The following CCDC192 variants were observed in gnomAD, a reference collection of about 807,000 sequenced individuals.
CCDC192 encodes the protein coiled-coil domain containing 192.
upstream of CCDC192, among the ~76,000 whole-genome samples, chr5:127,703,068 ATT>A (rs1455933131): frequency 1.3e-5 from 2 of 152,162 alleles, no homozygotes; most frequent in Admixed American, 6.5e-5. Context: ...AAACCAATGC[ATT>A]TCTGGGTGTG....
At chr5:127,726,028 T>C (rs1211294069) in intron 2 of CCDC192, among the ~76,000 whole-genome samples, 1 of 152,020 alleles carries the variant, frequency 6.6e-6, no homozygotes, top group East Asian at 1.9e-4. Flanking sequence ...AAGAAAAAAA[T>C]AATTCCTAGT....
chr5:127,796,251 A>G (rs757084599), intron 3 of CCDC192, among the ~76,000 whole-genome samples: 1 of 152,234 alleles, frequency 6.6e-6, no homozygotes, highest in Non-Finnish European at 1.5e-5. Context: ...TTTAAGGACA[A>G]TTAAGTTTTC....
At position 127,884,322 on chromosome 5, in the gene CCDC192, G is replaced by A. The variant is rs552626092; in HGVS notation, c.535+8661G>A. ...TGTGCCACTGAACTCCAGCCTGGGC[G>A]ACAGAGCAAGACTCCGTCTCAAAAA... On this transcript the variant is annotated intron_variant, in intron 6 of 6. Transcript: ENST00000514853. Among the ~76,000 whole-genome samples, 458 of 85,598 alleles carry A rather than the reference G, an allele frequency of 5.4e-3. 5 individuals are homozygous for A. Among genetic ancestry groups the A allele is most frequent in the African/African-American group, 0.017 (436 of 25,004 alleles). The allele number at this position is 85,598 out of a possible 152,430, so 56.2% of individuals were successfully genotyped here.
intron 3 of CCDC192, among the ~76,000 whole-genome samples, chr5:127,758,437 G>T (rs1754734165): frequency 6.6e-6 from 1 of 152,162 alleles, no homozygotes; most frequent in Admixed American, 6.5e-5. Flanking sequence ...CAAAATAAAA[G>T]AAATAATGGG....
chr5:127,717,890 A>G (rs1751712895), intron 2 of CCDC192, among the ~76,000 whole-genome samples: 1 of 138,248 alleles, frequency 7.2e-6, no homozygotes, highest in Non-Finnish European at 1.5e-5. Context: ...TTTTAGAACT[A>G]TCTTGTGACC....
chr5:127,855,608 C>G (rs1751030590), intron 5 of CCDC192, among the ~76,000 whole-genome samples: 1 of 152,144 alleles, frequency 6.6e-6, no homozygotes, highest in Non-Finnish European at 1.5e-5. Context: ...TTGACTTTGC[C>G]CAATCTATCA....
chr5:127,895,853 G>GTA (rs1282849107), intron 6 of CCDC192, among the ~76,000 whole-genome samples: 13 of 150,962 alleles, frequency 8.6e-5, no homozygotes, highest in Admixed American at 8.6e-4. Flanking sequence ...AAAAAAAAAA[G>GTA]TAGTGCCACC....
chr5:127,784,742 G>T, intron 3 of CCDC192: 1 of 525,250 alleles, frequency 1.9e-6, no homozygotes. Context: ...CTGAGTGAGG[G>T]CCTCATCAAC....
At chr5:127,835,332 C>G (rs1241410841) in intron 5 of CCDC192, among the ~76,000 whole-genome samples, 1 of 152,214 alleles carries the variant, frequency 6.6e-6, no homozygotes, top group Non-Finnish European at 1.5e-5. Context: ...CAAATTCACT[C>G]TGATATTTTT....
At chr5:127,769,415 G>T (rs995532095) in intron 3 of CCDC192, among the ~76,000 whole-genome samples, 4 of 145,294 alleles carry the variant, frequency 2.8e-5, no homozygotes, top group African/African-American at 1.0e-4. Flanking sequence ...TTGTGTGTAT[G>T]TGTGTGTGTG....
At chr5:127,904,464 C>T (rs1753142341) in intron 6 of CCDC192, among the ~76,000 whole-genome samples, 1 of 150,480 alleles carries the variant, frequency 6.6e-6, no homozygotes, top group Non-Finnish European at 1.5e-5. Flanking sequence ...CTTAGAACTG[C>T]TCAGACTGAA....
intron 2 of CCDC192, among the ~76,000 whole-genome samples, chr5:127,743,918 C>T (rs1753582521): frequency 1.3e-5 from 2 of 151,712 alleles, no homozygotes; most frequent in South Asian, 2.1e-4. Flanking sequence ...GGTGAAACCC[C>T]GTCTCTGCTA....
intron 5 of CCDC192, among the ~76,000 whole-genome samples, chr5:127,814,052 T>A (rs1013423667): frequency 6.6e-6 from 1 of 152,176 alleles, no homozygotes; most frequent in Non-Finnish European, 1.5e-5. Context: ...TGGTTGTGAA[T>A]TGCTATTGTC....
chr5:127,724,640 A>C (rs1752208647), intron 2 of CCDC192, among the ~76,000 whole-genome samples: 3 of 152,116 alleles, frequency 2.0e-5, no homozygotes, highest in Admixed American at 1.3e-4. Context: ...CATGAGGTCA[A>C]CAGATCAAGA....
At chr5:127,881,713 A>G (rs1242632718) in intron 6 of CCDC192, among the ~76,000 whole-genome samples, 3 of 152,248 alleles carry the variant, frequency 2.0e-5, no homozygotes, top group Non-Finnish European at 2.9e-5. Context: ...TTTATTACAA[A>G]ACTGGCACAG....
At chr5:127,751,582 A>T (rs1046476401) in intron 2 of CCDC192, among the ~76,000 whole-genome samples, 1 of 152,078 alleles carries the variant, frequency 6.6e-6, no homozygotes, top group Non-Finnish European at 1.5e-5. Flanking sequence ...TGAATCTGAC[A>T]ATTATGTGTC....
chr5:127,754,915 G>A (rs1267764419), intron 3 of CCDC192, among the ~76,000 whole-genome samples: 3 of 152,224 alleles, frequency 2.0e-5, no homozygotes, highest in Non-Finnish European at 2.9e-5. Context: ...GCCTGGACAC[G>A]TTATAGGTGC....
At chr5:127,717,838 C>A (rs1751709158) in intron 2 of CCDC192, among the ~76,000 whole-genome samples, 1 of 140,958 alleles carries the variant, frequency 7.1e-6, no homozygotes, top group Non-Finnish European at 1.5e-5. Flanking sequence ...CCAAAAACTT[C>A]AGGCTTGTGG....
At chr5:127,786,154 T>G (rs1290507967) in intron 3 of CCDC192, 17 of 1,102,110 alleles carry the variant, frequency 1.5e-5, no homozygotes, top group Non-Finnish European at 2.2e-5. Flanking sequence ...AATTTCCAAG[T>G]GTTTTTCAAT....
Sources: allele counts gnomAD v4.1 joint callset (sites outside exome capture counted in the v4.1 genomes callset), GRCh38; gene constraint gnomAD v4.1.1; transcripts MANE v1.5; gene names NCBI Gene and HGNC (gene_info 2026-07-23, HGNC 2026-07-21).